ENTPD4: variants seen among roughly 807,000 people sequenced by gnomAD.
The protein encoded by ENTPD4 is Golgi UDPase.
ENTPD4 carries 60 observed loss-of-function variants against 79.1 expected under a neutral mutation model. The observed-to-expected ratio is 0.76, with a 90% confidence interval of 0.62 to 0.94. ENTPD4 has a LOEUF of 0.94. Among genes scored for constraint, ENTPD4 ranks in the 40% least tolerant of loss-of-function variants. The probability of loss-of-function intolerance (pLI) is 0.00; values close to 1 mark genes in which losing one functional copy is unlikely to be tolerated. For missense variants in ENTPD4, 772 were observed against 775.1 expected, an observed-to-expected ratio of 1.00 and a Z score of 0.05; for synonymous variants, 276 against 292.0, an observed-to-expected ratio of 0.95 and a Z score of 0.56.
Position 23,450,459 on chromosome 8 carries a change from C to T in ENTPD4, c.-97-462G>A, listed in dbSNP as rs145633143. Among the ~76,000 whole-genome samples, 1,340 of 152,344 alleles carry T rather than the reference C, an allele frequency of 8.8e-3. 26 individuals are homozygous for T. Among genetic ancestry groups the T allele is most frequent in the African/African-American group, 0.031 (1,275 of 41,574 alleles). On this transcript the variant is annotated intron_variant, in intron 1 of 12. Transcript: ENST00000358689. Reference sequence around the variant, plus strand: ...TCCGACTCCACCATTATCACTCCTCCTCCAGCCTCCAGGCCTCAAATTGCA... The same window carrying T: ...TCCGACTCCACCATTATCACTCCTCTTCCAGCCTCCAGGCCTCAAATTGCA...
Position 23,437,143 on chromosome 8 carries a change from T to C in ENTPD4, c.1165A>G (p.Thr389Ala), listed in dbSNP as rs73551669. ...QNGQTIYLRG[T>A]GDFDLCRETI... ...TCTCGACACAGGTCAAAGTCTCCAG[T>C]CCCTCGTAGGTATATGGTTTGTCCA... Residue 389 changes from threonine to alanine, a missense_variant, in exon 10 of 13, where the codon ACT (threonine) becomes GCT (alanine). Physicochemically the swap from Thr to Ala is moderately conservative, Grantham distance 58 (BLOSUM62 0). Coordinates refer to ENST00000358689, the MANE Select transcript of ENTPD4 (RefSeq NM_004901.5). 1.3e-3 allele frequency: 2,161 copies of C among 1,614,196 alleles called. 27 individuals carry two copies. In the African/African-American group the frequency reaches 0.026, roughly 19 times the overall value.
chr8:23,450,892 C>T (rs2117305018), intron 1 of ENTPD4, among the ~76,000 whole-genome samples: 1 of 152,326 alleles, frequency 6.6e-6, no homozygotes, highest in South Asian at 2.1e-4. Context: ...AATCTTCTCC[C>T]CTTTTTCTCC....
Position 23,432,911 on chromosome 8 carries a change from G to C in ENTPD4, c.*15C>G. The C allele has an allele frequency of 1.3e-6, 2 of 1,568,012 alleles. No homozygotes were observed. Among genetic ancestry groups the C allele is most frequent in the Non-Finnish European group, 8.7e-7 (1 of 1,154,368 alleles). On this transcript the variant is annotated 3_prime_UTR_variant, in exon 13 of 13. Coordinates refer to ENST00000358689, the MANE Select transcript of ENTPD4 (RefSeq NM_004901.5). ...TGGCTTTTCCTTTTGAGTCTTCGTG[G>C]AGCTGTGAGCTGGATCACAAGGTCC... is the stretch of plus-strand genomic sequence containing the variant.
chr8:23,450,632 T>A (rs757584613), intron 1 of ENTPD4, among the ~76,000 whole-genome samples: 3 of 152,246 alleles, frequency 2.0e-5, no homozygotes, highest in Non-Finnish European at 2.9e-5. Context: ...CTGGAATAAC[T>A]GCTGCTCAGG....
At chr8:23,451,972 G>T (rs116702941) in intron 1 of ENTPD4, among the ~76,000 whole-genome samples, 121 of 152,206 alleles carry the variant, frequency 7.9e-4, no homozygotes, top group African/African-American at 2.8e-3. Context: ...ACCAGGCCTT[G>T]TTCCAAACAT....
intron 1 of ENTPD4, among the ~76,000 whole-genome samples, chr8:23,454,603 T>C (rs11779731): frequency 1.3e-5 from 2 of 151,940 alleles, no homozygotes; most frequent in South Asian, 4.1e-4. Context: ...AGGTGGGAGG[T>C]CAATTCTAGA....
rs923411498 is a variant in ENTPD4 at position 23,431,738 on chromosome 8, G to A, written c.*1188C>T. The A allele has an allele frequency of 7.1e-6, 7 of 985,496 alleles. No homozygotes were observed. The highest frequency in any genetic ancestry group is 9.4e-5 in the South Asian group (2 of 21,292). The allele number at this position is 985,496 out of a possible 1,614,324, so 61.0% of individuals were successfully genotyped here. ...TGGAAGCTGGAAGAAACTGAGGCAC[G>A]ATTAAGCAGAAACACTGAGGAATAC... On this transcript the variant is annotated 3_prime_UTR_variant, in exon 13 of 13. Coordinates refer to ENST00000358689, the MANE Select transcript of ENTPD4 (RefSeq NM_004901.5).
At chr8:23,435,302 T>A in intron 11 of ENTPD4, 90 bp downstream of exon 11, 1 of 818,548 alleles carries the variant, frequency 1.2e-6, no homozygotes, top group South Asian at 1.5e-5. Context: ...GAGAAGAAGC[T>A]GGACTGAGGC....
chr8:23,431,630 C>T lies in ENTPD4; in HGVS notation c.*1296G>A. 3 of 985,354 alleles carry T rather than the reference C, an allele frequency of 3.0e-6. No homozygotes were observed. Among genetic ancestry groups the T allele is most frequent in the Non-Finnish European group, 3.6e-6 (3 of 829,930 alleles). 61.0% of individuals were successfully genotyped at this position (985,354 alleles called of 1,614,324 possible). ...TCAGTCAATGCGGTTAGGAAGAGGA[C>T]TCGGCAGGCTGTGCATGGGGTCTCC... is the stretch of plus-strand genomic sequence containing the variant. On this transcript the variant is annotated 3_prime_UTR_variant, in exon 13 of 13. Transcript: ENST00000358689.
chr8:23,437,883 T>C (rs1368047941), intron 9 of ENTPD4, among the ~76,000 whole-genome samples: 3 of 152,194 alleles, frequency 2.0e-5, no homozygotes, highest in Non-Finnish European at 2.9e-5. Flanking sequence ...AAACAGACCT[T>C]GGTTCAGAGG....
chr8:23,440,755 T>C (rs1337391495), intron 8 of ENTPD4, among the ~76,000 whole-genome samples: 1 of 152,212 alleles, frequency 6.6e-6, no homozygotes, highest in Non-Finnish European at 1.5e-5. Flanking sequence ...ATTTAAACCT[T>C]CTAATAACCC....
chr8:23,432,745 G>T lies in ENTPD4; in HGVS notation c.*181C>A, dbSNP rs992846355. 2.9e-5 allele frequency: 38 copies of T among 1,330,398 alleles called. No homozygotes were observed. In the African/African-American group the frequency reaches 5.5e-4, roughly 19 times the overall value. The allele number at this position is 1,330,398 out of a possible 1,614,324, so 82.4% of individuals were successfully genotyped here. A position where few individuals can be genotyped will look rare whatever the true frequency, so the allele number is the denominator to read the frequency against. On this transcript the variant is annotated 3_prime_UTR_variant, in exon 13 of 13. Transcript: ENST00000358689. ...GATCTCCTGACCTCATGATCCGCCCGCCTCGGCCTCCCAAAGTGCTGGGAT... is the reference window on the plus strand; with the variant it reads ...GATCTCCTGACCTCATGATCCGCCCTCCTCGGCCTCCCAAAGTGCTGGGAT...
rs1004907008 is a variant in ENTPD4 at position 23,430,872 on chromosome 8, C to A, written c.*2054G>T. The A allele has an allele frequency of 1.3e-5, 13 of 985,430 alleles. No homozygotes were observed. The African/African-American group carries it at 1.9e-4, about 15-fold the overall frequency. The allele number at this position is 985,430 out of a possible 1,614,324, so 61.0% of individuals were successfully genotyped here. ...AATCCATGGCTCCTCCAGGAAGTGT[C>A]GCAGGCAGGTGGCCAAGACCAACTT... On this transcript the variant is annotated 3_prime_UTR_variant, in exon 13 of 13. Coordinates refer to ENST00000358689, the MANE Select transcript of ENTPD4 (RefSeq NM_004901.5).
At chr8:23,435,361 A>T (rs376191496) in intron 11 of ENTPD4, 31 bp downstream of exon 11, 9 of 1,520,426 alleles carry the variant, frequency 5.9e-6, no homozygotes, top group Middle Eastern at 3.9e-4. Context: ...GGTTCTTAAG[A>T]GTGCCCTGGG....
intron 9 of ENTPD4, among the ~76,000 whole-genome samples, chr8:23,438,303 T>C (rs1310724364): frequency 2.6e-5 from 4 of 152,208 alleles, no homozygotes; most frequent in African/African-American, 9.6e-5. Flanking sequence ...GACAGTCAAG[T>C]TTTCACTTTT....
At position 23,430,159 on chromosome 8, in the gene ENTPD4, A is replaced by G; in HGVS notation, c.*2767T>C. The G allele has an allele frequency of 1.0e-6, 1 of 985,472 alleles. No individual in the cohort carries two copies. Among genetic ancestry groups the G allele is most frequent in the South Asian group, 4.7e-5 (1 of 21,288 alleles). The allele number at this position is 985,472 out of a possible 1,614,324, so 61.0% of individuals were successfully genotyped here. ...GTCTCTCACCCACCCTGTATCTCTT[A>G]GAGAAAGCACCTGGCTGTCTTCACC... On this transcript the variant is annotated 3_prime_UTR_variant, in exon 13 of 13. Coordinates refer to ENST00000358689, the MANE Select transcript of ENTPD4 (RefSeq NM_004901.5).
At chr8:23,451,203 G>A (rs1378401464) in intron 1 of ENTPD4, among the ~76,000 whole-genome samples, 1 of 151,876 alleles carries the variant, frequency 6.6e-6, no homozygotes, top group East Asian at 1.9e-4. Flanking sequence ...TGTACTTTTA[G>A]TAGAGACGGG....
intron 1 of ENTPD4, 85 bp from the exon 2 acceptor site, chr8:23,450,082 C>T (rs1800832396): frequency 1.5e-6 from 1 of 685,024 alleles, no homozygotes; most frequent in African/African-American, 1.8e-5. Context: ...TAAATCCAAC[C>T]ACATATAATC....
intron 6 of ENTPD4, among the ~76,000 whole-genome samples, chr8:23,442,669 G>A (rs917506444): frequency 8.8e-5 from 13 of 147,938 alleles, no homozygotes; most frequent in Admixed American, 3.4e-4. Flanking sequence ...GTGACAGAGC[G>A]AGACTCCATC....
Sources: gnomAD v4.1 joint callset for allele counts (sites outside exome capture counted in the v4.1 genomes callset) on GRCh38, gnomAD v4.1.1 for gene constraint, MANE v1.5 for transcripts, NCBI Gene and HGNC (gene_info 2026-07-23, HGNC 2026-07-21) for gene names.